The following RBM23 variants were observed in gnomAD, a reference collection of about 807,000 sequenced individuals.
The protein encoded by RBM23 is RNA binding motif protein 23.
RBM23 carries 53 observed loss-of-function variants against 56.2 expected under a neutral mutation model. That is an observed-to-expected ratio of 0.94 (90% CI 0.76 to 1.19). The LOEUF is 1.19. RBM23 is among the 50% of genes most tolerant of loss of function. The pLI is 0.00. For missense variants in RBM23, 642 were observed against 590.3 expected, an observed-to-expected ratio of 1.09 and a Z score of -0.91; for synonymous variants, 197 against 198.5, an observed-to-expected ratio of 0.99 and a Z score of 0.06.
chr14:22,914,462 A>G (rs2043144137), intron 1 of RBM23, among the ~76,000 whole-genome samples: 2 of 152,182 alleles, frequency 1.3e-5, no homozygotes, highest in Admixed American at 6.5e-5. Flanking sequence ...ATTGCACTCC[A>G]GCCTGGATGA....
intron 1 of RBM23, among the ~76,000 whole-genome samples, chr14:22,913,252 A>G (rs2042898203): frequency 1.3e-5 from 2 of 151,040 alleles, no homozygotes; most frequent in South Asian, 4.2e-4. Flanking sequence ...GTCTCTACTA[A>G]AAATACAAAA....
In RBM23 at chr14:22,900,254, TCAAAGGCAGGTA is replaced by T. The variant is rs1470368950; in HGVS notation, c.*1464_*1475del. ...ATTGGGATCGCTACTACAAAGAGGG[TCAAAGGCAGGTA>T]CAAAGGCCAATAGAGTTAAGAAAGC... On this transcript the variant is annotated 3_prime_UTR_variant, in exon 14 of 14. Transcript: ENST00000359890. 6.6e-6 allele frequency: 1 copy of T among 151,886 alleles called. No homozygotes were observed. The highest frequency in any genetic ancestry group is 2.4e-5 in the African/African-American group (1 of 41,354). 9.4% of individuals were successfully genotyped at this position (151,886 alleles called of 1,614,324 possible). A position where few individuals can be genotyped will look rare whatever the true frequency, so the allele number is the denominator to read the frequency against.
intron 6 of RBM23, 37 bp downstream of exon 6, chr14:22,905,569 C>G (rs1051100003): frequency 1.2e-5 from 19 of 1,603,230 alleles, no homozygotes; most frequent in Non-Finnish European, 1.6e-5. Context: ...TTATTCATAC[C>G]TCACAATCCC....
chr14:22,912,867 G>C (rs1358133814), intron 1 of RBM23, among the ~76,000 whole-genome samples: 4 of 151,920 alleles, frequency 2.6e-5, no homozygotes, highest in African/African-American at 9.7e-5. Flanking sequence ...GGACGTGGTG[G>C]CACGCGCCTG....
chr14:22,907,981 A>C (rs2041856407), intron 4 of RBM23, among the ~76,000 whole-genome samples: 1 of 152,192 alleles, frequency 6.6e-6, no homozygotes. Flanking sequence ...GAGTTGTACA[A>C]TGTGTTTGTG....
chr14:22,914,475 C>T (rs1184155359), intron 1 of RBM23, among the ~76,000 whole-genome samples: 1 of 151,262 alleles, frequency 6.6e-6, no homozygotes, highest in African/African-American at 2.4e-5. Context: ...CTGGATGACA[C>T]AGCGAGACTG....
In RBM23 at chr14:22,903,909, T is replaced by C. The variant is rs1049664159; in HGVS notation, c.930+352A>G. The C allele has an allele frequency of 5.0e-6, 6 of 1,202,856 alleles. No individual in the cohort carries two copies. The African/African-American group carries it at 9.4e-5, about 19-fold the overall frequency. 74.5% of individuals were successfully genotyped at this position (1,202,856 alleles called of 1,614,324 possible). ...ATTCCCATCCCTGTTATGAGAAACA[T>C]CAATTCTATAAAGCATGTCTTTAAA... On this transcript the variant is annotated intron_variant, in intron 10 of 13. Coordinates refer to ENST00000359890, the MANE Select transcript of RBM23 (RefSeq NM_001077351.2).
intron 5 of RBM23, 98 bp from the exon 6 acceptor site, chr14:22,905,757 A>G: frequency 3.1e-6 from 3 of 965,738 alleles, no homozygotes; most frequent in Non-Finnish European, 4.8e-6. Context: ...ACTTCATCTC[A>G]TTGTTTTTTT....
intron 1 of RBM23, among the ~76,000 whole-genome samples, chr14:22,914,982 A>C (rs527249915): frequency 3.0e-5 from 3 of 101,620 alleles, no homozygotes; most frequent in East Asian, 3.7e-4. Context: ...GTAAGACTCC[A>C]TCTCAAAAAA....
intron 1 of RBM23, among the ~76,000 whole-genome samples, chr14:22,913,241 T>C (rs1032893063): frequency 6.0e-5 from 9 of 149,840 alleles, no homozygotes; most frequent in African/African-American, 2.0e-4. Context: ...AGTGAAACCC[T>C]GTCTCTACTA....
intron 3 of RBM23, among the ~76,000 whole-genome samples, chr14:22,908,988 G>A (rs1423607344): frequency 6.6e-6 from 1 of 151,224 alleles, no homozygotes; most frequent in Non-Finnish European, 1.5e-5. Flanking sequence ...TGTTTCCCAG[G>A]CTGGAGTGCG....
intron 2 of RBM23, 105 bp from the exon 3 acceptor site, chr14:22,909,700 G>C (rs968364820): frequency 1.4e-5 from 11 of 806,492 alleles, no homozygotes; most frequent in Non-Finnish European, 2.3e-5. Flanking sequence ...CAAACCACTT[G>C]ATTATCTAGC....
At position 22,901,538 on chromosome 14, in the gene RBM23, G is replaced by C; in HGVS notation, c.*192C>G. The C allele has an allele frequency of 4.0e-6, 3 of 755,918 alleles. No homozygotes were observed. The South Asian group carries it at 5.5e-5, about 14-fold the overall frequency. 46.8% of individuals were successfully genotyped at this position (755,918 alleles called of 1,614,324 possible). Reference sequence around the variant, plus strand: ...CTTCAACTGGTGGCTTTGCTCAGCAGAGTCCATTTCCAGTGGGACCATGGG... The same window carrying C: ...CTTCAACTGGTGGCTTTGCTCAGCACAGTCCATTTCCAGTGGGACCATGGG... On this transcript the variant is annotated 3_prime_UTR_variant, in exon 14 of 14. Coordinates refer to ENST00000359890, the MANE Select transcript of RBM23 (RefSeq NM_001077351.2).
chr14:22,917,395 C>T (rs1320986442), intron 1 of RBM23: 2 of 152,136 alleles, frequency 1.3e-5, no homozygotes, highest in African/African-American at 4.8e-5. Context: ...TAAACCTCTA[C>T]GTAAAAAGTT....
chr14:22,893,961 T>TGG lies in RBM23; in HGVS notation c.*7767_*7768dup, dbSNP rs1234177752. ...ATTAGTGCTCAGGATGTTTCCTGGATGGGGGTCTGTGGATGAAGTCACTCT... is the reference window on the plus strand; with the variant it reads ...ATTAGTGCTCAGGATGTTTCCTGGATGGGGGGGTCTGTGGATGAAGTCACTCT... On this transcript the variant is annotated 3_prime_UTR_variant, in exon 14 of 14. Coordinates refer to ENST00000359890, the MANE Select transcript of RBM23 (RefSeq NM_001077351.2). 1 of 152,198 alleles carries TGG rather than the reference T, an allele frequency of 6.6e-6. No homozygotes were observed. Among genetic ancestry groups the TGG allele is most frequent in the Admixed American group, 6.5e-5 (1 of 15,280 alleles). The allele number at this position is 152,198 out of a possible 1,614,324, so 9.4% of individuals were successfully genotyped here.
Position 22,894,217 on chromosome 14 carries a change from G to A in RBM23, c.*7513C>T, listed in dbSNP as rs1191011074. On this transcript the variant is annotated 3_prime_UTR_variant, in exon 14 of 14. Coordinates refer to ENST00000359890, the MANE Select transcript of RBM23 (RefSeq NM_001077351.2). ...AACTCTCAAAGCACAGCACCATTTG[G>A]AGATAAAAATTTAAGTTATGGTCTA... is the stretch of plus-strand genomic sequence containing the variant. 2.0e-5 allele frequency: 3 copies of A among 152,154 alleles called. No individual in the cohort carries two copies. Among genetic ancestry groups the A allele is most frequent in the Non-Finnish European group, 4.4e-5 (3 of 68,024 alleles). 9.4% of individuals were successfully genotyped at this position (152,154 alleles called of 1,614,324 possible).
intron 5 of RBM23, chr14:22,905,978 G>A: frequency 3.2e-6 from 2 of 630,884 alleles, no homozygotes; most frequent in Admixed American, 3.0e-5. Flanking sequence ...TTGAATTCCT[G>A]AGCCCAAGTG....
rs200959206 is a variant in RBM23, at chr14:22,901,920, C to G, written c.1247-37G>C. 3.7e-6 allele frequency: 6 copies of G among 1,613,512 alleles called. No homozygotes were observed. The African/African-American group carries it at 8.0e-5, about 22-fold the overall frequency. On this transcript the variant is annotated intron_variant, in intron 12 of 13. Coordinates refer to ENST00000359890, the MANE Select transcript of RBM23 (RefSeq NM_001077351.2). ...ACAGGCAGAGTGAGTGAGCAAGCAC[C>G]GCGCACTCCTTCTTTCCAGACCCCC...
rs539391304 is a variant in RBM23 at position 22,899,168 on chromosome 14, C to G, written c.*2562G>C. ...GAAGATGGGGCTTAATACGAGGTGACTGAGTCACAAGGACAGAGCCCTCAT... is the reference window on the plus strand; with the variant it reads ...GAAGATGGGGCTTAATACGAGGTGAGTGAGTCACAAGGACAGAGCCCTCAT... On this transcript the variant is annotated 3_prime_UTR_variant, in exon 14 of 14. Transcript: ENST00000359890. 3 of 152,322 alleles carry G rather than the reference C, an allele frequency of 2.0e-5. No individual in the cohort carries two copies. Among genetic ancestry groups the G allele is most frequent in the African/African-American group, 7.2e-5 (3 of 41,572 alleles). The allele number at this position is 152,322 out of a possible 1,614,324, so 9.4% of individuals were successfully genotyped here.
Sources: gnomAD v4.1 joint callset for allele counts (sites outside exome capture counted in the v4.1 genomes callset) on GRCh38, gnomAD v4.1.1 for gene constraint, MANE v1.5 for transcripts, NCBI Gene and HGNC (gene_info 2026-07-23, HGNC 2026-07-21) for gene names.